Variants in SLC16A12 observed in about 807,000 individuals in gnomAD.
SLC16A12 encodes solute carrier family 16 member 12, also known as monocarboxylate transporter 12.
SLC16A12 carries 17 observed loss-of-function variants against 42.4 expected under a neutral mutation model. The ratio of observed to expected loss-of-function variants is 0.40; its 90% confidence interval spans 0.27 to 0.60. The LOEUF is 0.60. SLC16A12 is among the 20% of genes least tolerant of loss of function. The probability of loss-of-function intolerance (pLI) is 0.42; values close to 1 mark genes in which losing one functional copy is unlikely to be tolerated. For missense variants in SLC16A12, 544 were observed against 623.0 expected (o/e 0.87, Z 1.35); for synonymous variants, 224 against 229.4 (o/e 0.98, Z 0.21).
At chr10:89,437,114 A>G (rs1841813465) in intron 6 of SLC16A12, among the ~76,000 whole-genome samples, 1 of 152,218 alleles carries the variant, frequency 6.6e-6, no homozygotes, top group Non-Finnish European at 1.5e-5. Flanking sequence ...GGTATCTGGC[A>G]TGTCATAGAT....
intron 2 of SLC16A12, among the ~76,000 whole-genome samples, chr10:89,465,731 T>A (rs1842383464): frequency 6.6e-6 from 1 of 152,182 alleles, no homozygotes; most frequent in Non-Finnish European, 1.5e-5. Flanking sequence ...CTGGCTTTGT[T>A]AGGATTCAAC....
In SLC16A12 at chr10:89,431,051, G is replaced by A. The variant is rs899032063; in HGVS notation, c.*2013C>T. The A allele has an allele frequency of 4.3e-6, 1 of 232,676 alleles. No homozygotes were observed. Among genetic ancestry groups the A allele is most frequent in the African/African-American group, 2.4e-5 (1 of 42,054 alleles). 14.4% of individuals were successfully genotyped at this position (232,676 alleles called of 1,614,324 possible). ...CTTGCTCTGTCGCCCAGGGTGGAGT[G>A]CAGTGGCATGATTTTGGCTCACTGC... On this transcript the variant is annotated 3_prime_UTR_variant, in exon 8 of 8. Transcript: ENST00000371790.
At chr10:89,545,561 A>AAAT (rs1217665817) in intron 2 of SLC16A12, among the ~76,000 whole-genome samples, 109 of 152,342 alleles carry the variant, frequency 7.2e-4, no homozygotes, top group African/African-American at 2.5e-3. Flanking sequence ...AAAATAAGAG[A>AAAT]GGACCCAAAC....
At chr10:89,537,206 T>G (rs1190739335), upstream of SLC16A12, among the ~76,000 whole-genome samples, 2 of 147,998 alleles carry the variant, frequency 1.4e-5, no homozygotes, top group African/African-American at 5.0e-5. Flanking sequence ...AAGAAGGGAT[T>G]TCACTATGTC....
intron 2 of SLC16A12, among the ~76,000 whole-genome samples, chr10:89,508,156 TAGAC>T (rs1421383124): frequency 1.3e-5 from 2 of 152,176 alleles, no homozygotes; most frequent in South Asian, 2.1e-4. Flanking sequence ...CTATCAATAT[TAGAC>T]AGATCAATGA....
At chr10:89,539,895 T>TTC (rs1360376460), upstream of SLC16A12, among the ~76,000 whole-genome samples, 1 of 148,156 alleles carries the variant, frequency 6.7e-6, no homozygotes, top group African/African-American at 2.6e-5. Flanking sequence ...CTTTCTTTCT[T>TTC]TCTTTCTTTC....
chr10:89,522,885 G>A (rs566323067), intron 2 of SLC16A12, among the ~76,000 whole-genome samples: 9 of 152,322 alleles, frequency 5.9e-5, no homozygotes, highest in Admixed American at 2.6e-4. Context: ...CCCAAAACAC[G>A]TTAGCTATTA....
intron 2 of SLC16A12, among the ~76,000 whole-genome samples, chr10:89,485,739 C>T (rs1842733604): frequency 6.6e-6 from 1 of 152,192 alleles, no homozygotes; most frequent in African/African-American, 2.4e-5. Context: ...CAAAGAAGCC[C>T]CAATAAGCAT....
At chr10:89,537,718 C>A (rs979109077), upstream of SLC16A12, among the ~76,000 whole-genome samples, 9 of 151,730 alleles carry the variant, frequency 5.9e-5, no homozygotes, top group African/African-American at 2.2e-4. Context: ...AAATAAGTCT[C>A]ACTTTCCATT....
At chr10:89,436,025 G>GA (rs1564823402) in intron 7 of SLC16A12, 35 bp downstream of exon 7, 2 of 1,612,846 alleles carry the variant, frequency 1.2e-6, no homozygotes, top group South Asian at 2.2e-5. Flanking sequence ...ATGCCAAAGA[G>GA]AAAAGGTGGT....
At chr10:89,470,486 C>T (rs572705366) in intron 2 of SLC16A12, among the ~76,000 whole-genome samples, 1 of 152,226 alleles carries the variant, frequency 6.6e-6, no homozygotes, top group Non-Finnish European at 1.5e-5. Flanking sequence ...AGAGTGCCCA[C>T]TGACTGTCCT....
At chr10:89,487,995 T>C (rs186672549) in intron 2 of SLC16A12, among the ~76,000 whole-genome samples, 7,464 of 122,772 alleles carry the variant, frequency 0.061, 546 homozygotes, top group African/African-American at 0.18. Context: ...TATATATATA[T>C]ACACACACAC....
rs1412838083 is a variant in SLC16A12, at chr10:89,443,780, C to G, written c.280G>C (p.Val94Leu). ...YAQTAWIHSI[V>L]DCVTMLCAPL... ...CCACAGAGCATGGTCACACAATCTA[C>G]AATGGAATGGATCCATGCCGTTTGT... The change falls in exon 4 of 8, where the codon GTA (valine) becomes CTA (leucine). Residue 94 changes from valine (V) to leucine (L), a missense_variant. Transcript: ENST00000371790. 5.6e-6 allele frequency: 9 copies of G among 1,613,754 alleles called. No homozygotes were observed. Among genetic ancestry groups the G allele is most frequent in the Non-Finnish European group, 7.6e-6 (9 of 1,179,664 alleles).
intron 3 of SLC16A12, chr10:89,456,253 G>C (rs991713630): frequency 2.6e-5 from 4 of 152,202 alleles, no homozygotes; most frequent in African/African-American, 9.7e-5. Flanking sequence ...CACAATGTAA[G>C]TGCTCAGTTA....
At chr10:89,487,969 T>TAC (rs1303150613) in intron 2 of SLC16A12, among the ~76,000 whole-genome samples, 1 of 32,332 alleles carries the variant, frequency 3.1e-5, no homozygotes, top group East Asian at 4.5e-4. Flanking sequence ...TGTGTGTATA[T>TAC]ATATATATAT....
At chr10:89,544,145 G>A (rs1392258999) in intron 2 of SLC16A12, among the ~76,000 whole-genome samples, 1 of 152,210 alleles carries the variant, frequency 6.6e-6, no homozygotes, top group Non-Finnish European at 1.5e-5. Context: ...GCCATGAGCA[G>A]AACCATTATG....
At chr10:89,556,288 A>G (rs1843815519) in intron 1 of SLC16A12, among the ~76,000 whole-genome samples, 1 of 151,984 alleles carries the variant, frequency 6.6e-6, no homozygotes, top group Non-Finnish European at 1.5e-5. Flanking sequence ...TGACTCAACC[A>G]CTCCTGACCA....
intron 2 of SLC16A12, among the ~76,000 whole-genome samples, chr10:89,489,908 A>C (rs976146824): frequency 4.6e-5 from 7 of 152,350 alleles, no homozygotes; most frequent in Admixed American, 3.3e-4. Flanking sequence ...CAAAAAAGTC[A>C]TTATAGTCAC....
chr10:89,495,041 A>G (rs1192163838), intron 2 of SLC16A12, among the ~76,000 whole-genome samples: 2 of 152,124 alleles, frequency 1.3e-5, no homozygotes, highest in Non-Finnish European at 2.9e-5. Context: ...CTCTGGCCCT[A>G]TATTACTCTA....
Sources: gnomAD v4.1 joint callset for allele counts (sites outside exome capture counted in the v4.1 genomes callset) on GRCh38, gnomAD v4.1.1 for gene constraint, MANE v1.5 for transcripts, NCBI Gene and HGNC (gene_info 2026-07-23, HGNC 2026-07-21) for gene names.